The following CEBPZ variants were observed in gnomAD, a reference collection of about 807,000 sequenced individuals.
CEBPZ encodes CCAAT/enhancer-binding protein zeta.
In CEBPZ, 78 loss-of-function variants were observed where a neutral mutation model predicts 104.5. The ratio of observed to expected loss-of-function variants is 0.75; its 90% CI spans 0.62 to 0.90. The LOEUF is 0.90. Among genes scored for constraint, CEBPZ ranks in the 40% least tolerant of loss-of-function variants. CEBPZ has a pLI of 0.00. For synonymous variants in CEBPZ, 470 were observed against 427.0 expected, an observed-to-expected ratio of 1.10 and a Z score of -1.24; for missense variants, 1,439 against 1,233.5, an observed-to-expected ratio of 1.17 and a Z score of -2.50.
At chr2:37,216,100 A>G in intron 8 of CEBPZ, 40 bp downstream of exon 8, 1 of 1,418,182 alleles carries the variant, frequency 7.1e-7, no homozygotes, top group Non-Finnish European at 9.8e-7. Context: ...TTTGTCTTAT[A>G]TTGTCTTTTC....
intron 14 of CEBPZ, 32 bp from the exon 15 acceptor site, chr2:37,202,897 AACT>A: frequency 6.3e-7 from 1 of 1,594,146 alleles, no homozygotes; most frequent in Non-Finnish European, 8.6e-7. Flanking sequence ...TTTATTAGAA[AACT>A]AAAAATAATG....
chr2:37,230,351 T>C (rs80128773), intron 1 of CEBPZ, among the ~76,000 whole-genome samples: 3,814 of 152,290 alleles, frequency 0.025, 74 homozygotes, highest in Non-Finnish European at 0.034. Context: ...AGATATAAAA[T>C]GCAGTTGTAA....
chr2:37,226,392 G>T (rs1311352292), intron 2 of CEBPZ, among the ~76,000 whole-genome samples: 1 of 152,180 alleles, frequency 6.6e-6, no homozygotes, highest in Admixed American at 6.5e-5. Context: ...GTTAGGCACT[G>T]TTAAGCACTT....
intron 13 of CEBPZ, among the ~76,000 whole-genome samples, chr2:37,208,013 A>G (rs1288140126): frequency 6.6e-6 from 1 of 152,310 alleles, no homozygotes; most frequent in African/African-American, 2.4e-5. Flanking sequence ...CAAGGCTACT[A>G]TGAACACCTT....
intron 13 of CEBPZ, among the ~76,000 whole-genome samples, chr2:37,206,878 C>G (rs932883378): frequency 8.5e-5 from 13 of 152,096 alleles, no homozygotes; most frequent in African/African-American, 2.9e-4. Context: ...ATTTGGACCA[C>G]CAACCAAGAA....
intron 13 of CEBPZ, among the ~76,000 whole-genome samples, chr2:37,205,370 T>C (rs1482928257): frequency 6.6e-6 from 1 of 152,160 alleles, no homozygotes; most frequent in Non-Finnish European, 1.5e-5. Context: ...GATGACATTA[T>C]CTTGTGAAAT....
intron 2 of CEBPZ, among the ~76,000 whole-genome samples, chr2:37,225,240 G>C (rs1465008212): frequency 6.6e-6 from 1 of 152,180 alleles, no homozygotes; most frequent in Non-Finnish European, 1.5e-5. Flanking sequence ...GAAATCTACA[G>C]CAAGTGGACC....
At chr2:37,214,759 C>G (rs1027691074) in intron 9 of CEBPZ, 127 bp downstream of exon 9, 11 of 539,396 alleles carry the variant, frequency 2.0e-5, no homozygotes, top group Non-Finnish European at 3.0e-5. Context: ...CACTAATGTT[C>G]CATGGTCTAT....
chr2:37,211,727 G>T, intron 12 of CEBPZ, 116 bp downstream of exon 12: 3 of 709,446 alleles, frequency 4.2e-6, no homozygotes, highest in Non-Finnish European at 6.6e-6. Context: ...GTTTCTGGCT[G>T]ACATGAGTAT....
chr2:37,220,286 C>T lies in CEBPZ; in HGVS notation c.2154+99G>A, dbSNP rs558609853. ...GAGCCACAATCATGCCACTGCACTC[C>T]AGCCTGGTGACAGAGGAAGACTCTG... On this transcript the variant is annotated intron_variant, in intron 5 of 15. Transcript: ENST00000234170. The T allele has an allele frequency of 1.4e-4, 43 of 312,254 alleles. No individual in the cohort carries two copies. In the East Asian group the frequency reaches 1.7e-3, roughly 13 times the overall value. The allele number at this position is 312,254 out of a possible 1,614,324, so 19.3% of individuals were successfully genotyped here. A position where few individuals can be genotyped will look rare whatever the true frequency, so the allele number is the denominator to read the frequency against.
chr2:37,212,175 C>A, intron 11 of CEBPZ, 136 bp from the exon 12 acceptor site: 1 of 977,066 alleles, frequency 1.0e-6, no homozygotes, highest in Non-Finnish European at 1.5e-6. Context: ...TAAATAATAA[C>A]GTGCTTTATA....
chr2:37,212,097 T>G, intron 11 of CEBPZ, 58 bp from the exon 12 acceptor site: 1 of 1,436,658 alleles, frequency 7.0e-7, no homozygotes, highest in Non-Finnish European at 9.4e-7. Flanking sequence ...AAGTAGTGTT[T>G]TGCTGACTAC....
intron 5 of CEBPZ, among the ~76,000 whole-genome samples, chr2:37,218,769 T>A (rs1456561783): frequency 6.6e-6 from 1 of 152,138 alleles, no homozygotes; most frequent in Non-Finnish European, 1.5e-5. Flanking sequence ...CTGGGCATGG[T>A]GGCATGCTCC....
At chr2:37,207,538 A>G (rs889540106) in intron 13 of CEBPZ, among the ~76,000 whole-genome samples, 1 of 152,212 alleles carries the variant, frequency 6.6e-6, no homozygotes, top group African/African-American at 2.4e-5. Context: ...AAATTTAATA[A>G]TCTGCTCTTG....
chr2:37,231,364 C>T (rs1223969055), intron 1 of CEBPZ, 48 bp downstream of exon 1: 3 of 1,610,964 alleles, frequency 1.9e-6, no homozygotes, highest in Non-Finnish European at 2.5e-6. Context: ...TAGCCACCTT[C>T]GGAACTCTCC....
In CEBPZ at chr2:37,201,749, A is replaced by G; in HGVS notation, c.*15T>C. On this transcript the variant is annotated 3_prime_UTR_variant, in exon 16 of 16. Transcript: ENST00000234170. Reference sequence around the variant, plus strand: ...GATGTAAGTAGAATTTTAATCTATAATTTACATTAATAACTCATTTCCTTT... The same window carrying G: ...GATGTAAGTAGAATTTTAATCTATAGTTTACATTAATAACTCATTTCCTTT... 2 of 1,306,286 alleles carry G rather than the reference A, an allele frequency of 1.5e-6. No homozygotes were observed. Among genetic ancestry groups the G allele is most frequent in the South Asian group, 1.2e-5 (1 of 81,596 alleles). 80.9% of individuals were successfully genotyped at this position (1,306,286 alleles called of 1,614,324 possible).
rs755079896 is a variant in CEBPZ, at chr2:37,212,367, G to C, written c.2571C>G (p.Phe857Leu). ...AATCCATATCATCCTTTCCAGAGCT[G>C]AAACAGTTATCATCTTCAAATGTGT... ...LIDTFEDDNC[F>L]SSGKDDMDFA... Residue 857 changes from phenylalanine (F) to leucine (L), a missense_variant, in exon 11 of 16, where the codon TTC (phenylalanine) becomes TTG (leucine). Coordinates refer to ENST00000234170, the MANE Select transcript of CEBPZ (RefSeq NM_005760.3). 7.4e-6 allele frequency: 12 copies of C among 1,613,404 alleles called. No homozygotes were observed. Among genetic ancestry groups the C allele is most frequent in the Non-Finnish European group, 2.5e-6 (3 of 1,179,728 alleles).
chr2:37,211,125 T>C (rs1278455496), intron 12 of CEBPZ, 43 bp from the exon 13 acceptor site: 2 of 1,312,452 alleles, frequency 1.5e-6, no homozygotes. Context: ...TTAAAAACAA[T>C]AAGACTGGAA....
intron 1 of CEBPZ, among the ~76,000 whole-genome samples, 192 bp from the exon 2 acceptor site, chr2:37,229,228 C>G (rs761769305): frequency 7.3e-5 from 11 of 151,630 alleles, no homozygotes; most frequent in Non-Finnish European, 1.6e-4. Flanking sequence ...TTTACACACA[C>G]ACACACGCAC....
Sources: gnomAD v4.1 joint callset for allele counts (sites outside exome capture counted in the v4.1 genomes callset) on GRCh38, gnomAD v4.1.1 for gene constraint, MANE v1.5 for transcripts, NCBI Gene and HGNC (gene_info 2026-07-23, HGNC 2026-07-21) for gene names.